CSNK2A1: variants seen among roughly 807,000 people sequenced by gnomAD.
CSNK2A1 encodes the protein casein kinase II subunit alpha.
A neutral mutation model predicts 62.9 loss-of-function variants in CSNK2A1; 10 were observed. That is an observed-to-expected ratio of 0.16 (90% CI 0.10 to 0.27). The LOEUF is 0.27. CSNK2A1 is among the 10% of genes least tolerant of loss of function. CSNK2A1 has a pLI of 1.00. For missense variants in CSNK2A1, 160 were observed against 492.0 expected (o/e 0.33, Z 6.38); for synonymous variants, 124 against 167.8 (o/e 0.74, Z 2.02).
At chr20:535,052 AAAAAAAAAAAAAAAT>A (rs1414936077) in intron 1 of CSNK2A1, among the ~76,000 whole-genome samples, 2 of 150,266 alleles carry the variant, frequency 1.3e-5, no homozygotes, top group African/African-American at 4.9e-5. Context: ...AAAAAAAAAA[AAAAAAAAAAAAAAAT>A]TTCTTCGGAC....
At chr20:523,076 T>C (rs554726114) in intron 2 of CSNK2A1, among the ~76,000 whole-genome samples, 1 of 152,306 alleles carries the variant, frequency 6.6e-6, no homozygotes, top group South Asian at 2.1e-4. Context: ...GTAACTTCTG[T>C]AAACCTAAAA....
chr20:516,932 A>T (rs1321441573), intron 2 of CSNK2A1, among the ~76,000 whole-genome samples: 1 of 152,246 alleles, frequency 6.6e-6, no homozygotes, highest in Non-Finnish European at 1.5e-5. Context: ...CCGACAGGAC[A>T]AAGATTTCTA....
intron 11 of CSNK2A1, 83 bp from the exon 12 acceptor site, chr20:487,658 C>CTTGT: frequency 6.3e-7 from 1 of 1,588,712 alleles, no homozygotes. Flanking sequence ...TTCTTAGTGG[C>CTTGT]TAACAGCCCA....
intron 2 of CSNK2A1, among the ~76,000 whole-genome samples, chr20:526,320 T>A (rs2019089110): frequency 6.6e-6 from 1 of 151,306 alleles, no homozygotes; most frequent in Non-Finnish European, 1.5e-5. Context: ...AAAAATAATT[T>A]AAAAATTAGG....
intron 2 of CSNK2A1, among the ~76,000 whole-genome samples, chr20:514,541 G>C (rs188878887): frequency 6.6e-6 from 1 of 151,852 alleles, no homozygotes; most frequent in South Asian, 2.1e-4. Context: ...TCCTGGGCTT[G>C]AGCAATCCTC....
At chr20:527,367 T>C (rs1415965331) in intron 2 of CSNK2A1, among the ~76,000 whole-genome samples, 1 of 152,238 alleles carries the variant, frequency 6.6e-6, no homozygotes. Flanking sequence ...TCTATTCTAA[T>C]GTCTTTGAAC....
At position 495,755 on chromosome 20, in the gene CSNK2A1, C is replaced by T; in HGVS notation, c.474G>A (p.Lys158=). ...HSMGIMHRDV[K]PHNVMIDHEH... is the part of the protein sequence containing the mutation. ...CATGATCAATCATGACATTATGGGG[C>T]TTGACATCTCTGTGCATAATTCCCA... Residue 158 remains lysine (K), a synonymous_variant, in exon 8 of 14, where the codon AAG becomes AAA. Coordinates refer to ENST00000217244, the MANE Select transcript of CSNK2A1 (RefSeq NM_177559.3). The T allele has an allele frequency of 6.2e-7, 1 of 1,614,136 alleles. No homozygotes were observed. Among genetic ancestry groups the T allele is most frequent in the East Asian group, 2.2e-5 (1 of 44,884 alleles).
intron 1 of CSNK2A1, among the ~76,000 whole-genome samples, chr20:540,286 TA>T (rs2019422375): frequency 6.6e-6 from 1 of 152,234 alleles, no homozygotes; most frequent in African/African-American, 2.4e-5. Flanking sequence ...TCCACTCCAT[TA>T]AAGTTCACAT....
Position 499,204 on chromosome 20 carries a change from C to CTATG in CSNK2A1, c.366+47_366+50dup. 1 of 1,463,782 alleles carries CTATG rather than the reference C, an allele frequency of 6.8e-7. No homozygotes were observed. The highest frequency in any genetic ancestry group is 1.4e-5 in the South Asian group (1 of 73,210). The allele number at this position is 1,463,782 out of a possible 1,614,324, so 90.7% of individuals were successfully genotyped here. On this transcript the variant is annotated intron_variant, in intron 6 of 13. Coordinates refer to ENST00000217244, the MANE Select transcript of CSNK2A1 (RefSeq NM_177559.3). This position sits in a 1 kb window ranked among gnomAD's most constrained non-coding sequence, Gnocchi z 4.2. The stretch of plus-strand genomic sequence containing the variant: ...CTTCTAACAGCATCATCCCCAAAGG[C>CTATG]TATGTGGTCTAAAAACCCACTAGCC...
chr20:528,747 C>G (rs2019150764), intron 1 of CSNK2A1, among the ~76,000 whole-genome samples: 1 of 152,090 alleles, frequency 6.6e-6, no homozygotes, highest in Non-Finnish European at 1.5e-5. Context: ...TAGGCATGAG[C>G]CACCATGCCC....
At chr20:491,994 CAT>C (rs1451274879) in intron 9 of CSNK2A1, among the ~76,000 whole-genome samples, 1 of 152,174 alleles carries the variant, frequency 6.6e-6, no homozygotes, top group Non-Finnish European at 1.5e-5. Context: ...GATTATAGAA[CAT>C]ATCTTTGGCT....
intron 2 of CSNK2A1, chr20:527,003 G>GAGAGAC (rs2019108720): frequency 1.0e-5 from 1 of 98,258 alleles, no homozygotes; most frequent in Non-Finnish European, 2.3e-5. Flanking sequence ...GAGACAGACA[G>GAGAGAC]AGAGAGAGAG....
intron 4 of CSNK2A1, chr20:501,879 A>T (rs1306228800): frequency 6.6e-6 from 1 of 152,186 alleles, no homozygotes; most frequent in Non-Finnish European, 1.5e-5. Flanking sequence ...CTTGAGAGGG[A>T]AACGGGGGAT....
intron 2 of CSNK2A1, among the ~76,000 whole-genome samples, chr20:521,868 T>C (rs1443711091): frequency 2.6e-5 from 4 of 152,134 alleles, no homozygotes; most frequent in African/African-American, 9.7e-5. Context: ...GGATTACAGG[T>C]GTGAGCTGCT....
intron 2 of CSNK2A1, among the ~76,000 whole-genome samples, chr20:513,233 CCTTCGT>C (rs1477072665): frequency 6.6e-6 from 1 of 152,202 alleles, no homozygotes; most frequent in Non-Finnish European, 1.5e-5. Flanking sequence ...TGTAAGACAG[CCTTCGT>C]CTGTGGATCT....
At position 481,483 on chromosome 20, in the gene CSNK2A1, T is replaced by TC. The variant is rs1156538613; in HGVS notation, c.*2477dup. Reference sequence around the variant, plus strand: ...AGTTGTTACTCTGTAAACCCTTGCCTCCCCCCCACCCCCCACCCAATTGGG... The same window carrying TC: ...AGTTGTTACTCTGTAAACCCTTGCCTCCCCCCCCACCCCCCACCCAATTGGG... On this transcript the variant is annotated 3_prime_UTR_variant, in exon 14 of 14. Transcript: ENST00000217244. 3 of 77,832 alleles carry TC rather than the reference T, an allele frequency of 3.9e-5. No individual in the cohort carries two copies. Among genetic ancestry groups the TC allele is most frequent in the East Asian group, 4.4e-4 (1 of 2,296 alleles). 4.8% of individuals were successfully genotyped at this position (77,832 alleles called of 1,614,324 possible).
chr20:534,581 A>C (rs1282341214), intron 1 of CSNK2A1, among the ~76,000 whole-genome samples: 2 of 152,180 alleles, frequency 1.3e-5, no homozygotes, highest in African/African-American at 4.8e-5. Flanking sequence ...CAAAGCCTAA[A>C]GTTTTGAATA....
At chr20:543,521 C>T (rs2019499027) in intron 1 of CSNK2A1, 151 bp downstream of exon 1, 1 of 394,310 alleles carries the variant, frequency 2.5e-6, no homozygotes, top group Non-Finnish European at 4.5e-6. Flanking sequence ...GCTGCAGGGG[C>T]CTCGCTTGGT....
chr20:526,065 A>T (rs2019082157), intron 2 of CSNK2A1, among the ~76,000 whole-genome samples: 1 of 152,230 alleles, frequency 6.6e-6, no homozygotes, highest in Non-Finnish European at 1.5e-5. Flanking sequence ...GAACTTACAC[A>T]TATCTCAATA....
Sources: allele counts gnomAD v4.1 joint callset (sites outside exome capture counted in the v4.1 genomes callset), GRCh38; gene constraint gnomAD v4.1.1; non-coding constraint Gnocchi (gnomAD v3.1); transcripts MANE v1.5; gene names NCBI Gene and HGNC (gene_info 2026-07-23, HGNC 2026-07-21).